TTC39C: variants seen among roughly 807,000 people sequenced by gnomAD.
TTC39C encodes the protein tetratricopeptide repeat domain 39C.
A neutral mutation model predicts 76.3 loss-of-function variants in TTC39C; 33 were observed. The ratio of observed to expected loss-of-function variants is 0.43; its 90% CI spans 0.33 to 0.58. The LOEUF (loss-of-function observed/expected upper bound fraction) is 0.58. TTC39C is among the 20% of genes least tolerant of loss of function. TTC39C has a pLI of 0.04. For synonymous variants in TTC39C, 254 were observed against 260.6 expected (o/e 0.97, Z 0.24); for missense variants, 595 against 701.4 (o/e 0.85, Z 1.71).
At position 24,014,909 on chromosome 18, in the gene TTC39C, A is replaced by G. The variant is rs1295975570; in HGVS notation, c.38A>G (p.Asp13Gly). 1.1e-5 allele frequency: 16 copies of G among 1,509,140 alleles called. No individual in the cohort carries two copies. The highest frequency in any genetic ancestry group is 1.4e-5 in the Non-Finnish European group (16 of 1,129,478). The allele number at this position is 1,509,140 out of a possible 1,614,324, so 93.5% of individuals were successfully genotyped here. A position where few individuals can be genotyped will look rare whatever the true frequency, so the allele number is the denominator to read the frequency against. The change falls in exon 1 of 14, where the codon GAC (aspartate) becomes GGC (glycine). Residue 13 changes from aspartate to glycine, a missense_variant. Coordinates refer to ENST00000317571, the MANE Select transcript of TTC39C (RefSeq NM_001135993.2). ...GAGCAGCAGCGGCCGCGGCGGCGGG[A>G]CGACGGAGACTCGGACGCGGCAGCG... ...GSEQQRPRRR[D>G]DGDSDAAAAA...
upstream of TTC39C, chr18:24,014,717 C>T: frequency 1.8e-6 from 2 of 1,101,284 alleles, no homozygotes; most frequent in Non-Finnish European, 2.2e-6. Flanking sequence ...CTCCGCGGTC[C>T]TTCCCTCCTC....
At position 24,066,011 on chromosome 18, in the gene TTC39C, G is replaced by C; in HGVS notation, c.217-1G>C. 6.4e-7 allele frequency: 1 copy of C among 1,570,160 alleles called. No homozygotes were observed. The highest frequency in any genetic ancestry group is 2.0e-5 in the Admixed American group (1 of 50,584). Reference sequence around the variant, plus strand: ...TTCATTCATTCTTTCTTTCTTGGAAGAATGCCATGATGACATTTGAGGAAG... The same window carrying C: ...TTCATTCATTCTTTCTTTCTTGGAACAATGCCATGATGACATTTGAGGAAG... On this transcript the variant is annotated splice_acceptor_variant, in intron 2 of 13. Coordinates refer to ENST00000317571, the MANE Select transcript of TTC39C (RefSeq NM_001135993.2). LOFTEE classifies it high-confidence loss of function.
chr18:24,130,821 A>C (rs2085118130), intron 12 of TTC39C, among the ~76,000 whole-genome samples: 1 of 151,976 alleles, frequency 6.6e-6, no homozygotes, highest in Non-Finnish European at 1.5e-5. Flanking sequence ...ACTGTAGGCA[A>C]CCGTAACACA....
At chr18:24,017,207 C>G (rs1390071283) in intron 1 of TTC39C, among the ~76,000 whole-genome samples, 1 of 152,132 alleles carries the variant, frequency 6.6e-6, no homozygotes, top group Non-Finnish European at 1.5e-5. Context: ...GTGGTGTGGA[C>G]AATCATTGCG....
intron 1 of TTC39C, among the ~76,000 whole-genome samples, chr18:24,050,114 C>T (rs913223775): frequency 2.0e-5 from 3 of 152,184 alleles, no homozygotes; most frequent in South Asian, 2.1e-4. Context: ...GGCTGCCAGC[C>T]CCCAGTCGCC....
Position 24,132,509 on chromosome 18 carries a change from G to A in TTC39C, c.1687G>A (p.Glu563Lys). The change falls in exon 14 of 14, where the codon GAA becomes AAA. Residue 563 changes from glutamate to lysine, a missense_variant. Transcript: ENST00000317571. ...AKEDFSGYDFENRLHVRIHAA... is the reference protein window; with the variant it reads ...AKEDFSGYDFKNRLHVRIHAA... ...GGAGGATTTCTCTGGCTACGACTTT[G>A]AAAACAGATTGCATGTCCGCATCCA... 2 of 1,614,084 alleles carry A rather than the reference G, an allele frequency of 1.2e-6. No homozygotes were observed. Among genetic ancestry groups the A allele is most frequent in the Non-Finnish European group, 1.7e-6 (2 of 1,180,006 alleles).
chr18:24,077,558 AT>A (rs1432198542), intron 4 of TTC39C, among the ~76,000 whole-genome samples: 1 of 151,976 alleles, frequency 6.6e-6, no homozygotes, highest in Non-Finnish European at 1.5e-5. Context: ...TTCTTTTCTA[AT>A]TTTATTGTGG....
chr18:24,056,194 T>C (rs1236371073), intron 1 of TTC39C, among the ~76,000 whole-genome samples: 1 of 151,902 alleles, frequency 6.6e-6, no homozygotes, highest in Non-Finnish European at 1.5e-5. Flanking sequence ...GCAGCAGGGG[T>C]GAGTACATGC....
At chr18:24,045,931 T>TA (rs2083874849) in intron 1 of TTC39C, among the ~76,000 whole-genome samples, 1 of 62,614 alleles carries the variant, frequency 1.6e-5, no homozygotes, top group Non-Finnish European at 2.8e-5. Flanking sequence ...ATATATATTT[T>TA]TTTTTTTTTT....
chr18:24,125,487 GTGT>G lies in TTC39C; in HGVS notation c.1361_1363del (p.Leu454del), dbSNP rs2085037978. On this transcript the variant is annotated inframe_deletion, in exon 10 of 14. Coordinates refer to ENST00000317571, the MANE Select transcript of TTC39C (RefSeq NM_001135993.2). Reference sequence around the variant, plus strand: ...GCTCTGTGTGTTGGCGTCTATTGAAGTGTTGTACTTGTGGAAAGCTCTTCCAAA... The same window carrying G: ...GCTCTGTGTGTTGGCGTCTATTGAAGTGTACTTGTGGAAAGCTCTTCCAAA... 1 of 1,614,168 alleles carries G rather than the reference GTGT, an allele frequency of 6.2e-7. No homozygotes were observed. The highest frequency in any genetic ancestry group is 1.3e-5 in the African/African-American group (1 of 75,032).
In TTC39C at chr18:24,015,032, A is replaced by G. The variant is rs1411130713; in HGVS notation, c.161A>G (p.Gln54Arg). ...GFRESDQLFK[Q>R]YRNHSPLMSF... ...AGGGAGTCGGACCAGCTTTTCAAAC[A>G]ATACAGGTGACCCACGCGTCCCCGA... is the stretch of plus-strand genomic sequence containing the variant. The change falls in exon 1 of 14, where the codon CAA becomes CGA. Residue 54 changes from glutamine (Q) to arginine (R), a missense_variant. By Grantham distance (43) the Gln-to-Arg change is conservative. Coordinates refer to ENST00000317571, the MANE Select transcript of TTC39C (RefSeq NM_001135993.2). The G allele has an allele frequency of 6.9e-7, 1 of 1,453,606 alleles. No individual in the cohort carries two copies. Among genetic ancestry groups the G allele is most frequent in the Non-Finnish European group, 9.1e-7 (1 of 1,098,032 alleles). 90.0% of individuals were successfully genotyped at this position (1,453,606 alleles called of 1,614,324 possible).
chr18:24,035,792 C>T (rs1408839885), intron 1 of TTC39C, among the ~76,000 whole-genome samples: 3 of 152,108 alleles, frequency 2.0e-5, no homozygotes, highest in Admixed American at 2.0e-4. Context: ...TGATATAGAT[C>T]GGTGTATCTG....
chr18:24,076,514 C>T (rs185053561), intron 4 of TTC39C, among the ~76,000 whole-genome samples: 33 of 152,024 alleles, frequency 2.2e-4, no homozygotes, highest in African/African-American at 7.0e-4. Flanking sequence ...GTCCTGTTCT[C>T]GGTGCTGCAT....
chr18:24,094,768 A>G (rs1180274812), intron 6 of TTC39C, among the ~76,000 whole-genome samples: 1 of 152,240 alleles, frequency 6.6e-6, no homozygotes, highest in Non-Finnish European at 1.5e-5. Flanking sequence ...TTATAAACAG[A>G]TGTGCTGTCA....
chr18:24,122,364 T>C (rs1485352488), intron 8 of TTC39C, among the ~76,000 whole-genome samples: 1 of 151,468 alleles, frequency 6.6e-6, no homozygotes, highest in Admixed American at 6.6e-5. Flanking sequence ...TAGCTGGGCA[T>C]GGTGGCATGT....
At chr18:24,014,561 C>A, upstream of TTC39C, 2 of 223,332 alleles carry the variant, frequency 9.0e-6, no homozygotes, top group Admixed American at 5.8e-5. Flanking sequence ...GAGAGACACC[C>A]GGAAACGGAT....
chr18:24,080,607 C>T lies in TTC39C; in HGVS notation c.483C>T (p.Ile161=). The T allele has an allele frequency of 1.2e-6, 2 of 1,609,328 alleles. No individual in the cohort carries two copies. The highest frequency in any genetic ancestry group is 2.2e-5 in the East Asian group (1 of 44,786). ...ELSAYIKGGW[I]LRKAWKIYNK... is the part of the protein sequence containing the mutation. ...TAGCTTATATCAAAGGTGGGTGGAT[C>T]CTTAGGAAAGCCTGGAAGATTTACA... The change falls in exon 5 of 14, where the codon ATC becomes ATT. Residue 161 remains isoleucine, a synonymous_variant. Transcript: ENST00000317571.
chr18:24,071,346 A>G (rs1336160523), intron 4 of TTC39C, among the ~76,000 whole-genome samples: 2 of 152,220 alleles, frequency 1.3e-5, no homozygotes, highest in Non-Finnish European at 2.9e-5. Context: ...ACACAGGCCT[A>G]GTCCCTGCCC....
At chr18:24,129,489 A>T (rs1004660757) in intron 11 of TTC39C, among the ~76,000 whole-genome samples, 1 of 152,080 alleles carries the variant, frequency 6.6e-6, no homozygotes, top group African/African-American at 2.4e-5. Flanking sequence ...ATCAGGGTAC[A>T]GTGGCCGGGC....
Sources: allele counts gnomAD v4.1 joint callset (sites outside exome capture counted in the v4.1 genomes callset), GRCh38; gene constraint gnomAD v4.1.1; transcripts MANE v1.5; gene names NCBI Gene and HGNC (gene_info 2026-07-23, HGNC 2026-07-21).